The following LRR1 variants were observed in gnomAD, a reference collection of about 807,000 sequenced individuals.
LRR1 encodes leucine-rich repeat protein 1.
A neutral mutation model predicts 31.6 loss-of-function variants in LRR1; 29 were observed. The ratio of observed to expected loss-of-function variants is 0.92; its 90% confidence interval spans 0.68 to 1.25. LRR1 has a LOEUF of 1.25. LRR1 is among the 50% of genes most tolerant of loss of function. LRR1 has a pLI of 0.00. For synonymous variants in LRR1, 179 were observed against 181.4 expected, an observed-to-expected ratio of 0.99 and a Z score of 0.10; for missense variants, 485 against 487.2, an observed-to-expected ratio of 1.00 and a Z score of 0.04.
At chr14:49,602,245 C>A in intron 1 of LRR1, 125 bp from the exon 2 acceptor site, 1 of 511,558 alleles carries the variant, frequency 2.0e-6, no homozygotes, top group Non-Finnish European at 3.3e-6. Flanking sequence ...AATGAAAACA[C>A]TCAGACTCAA....
chr14:49,599,145 C>G lies in LRR1; in HGVS notation c.125C>G (p.Pro42Arg). The G allele has an allele frequency of 5.6e-6, 9 of 1,608,850 alleles. No homozygotes were observed. Among genetic ancestry groups the G allele is most frequent in the African/African-American group, 1.3e-5 (1 of 74,996 alleles). The stretch of plus-strand genomic sequence containing the variant: ...CAGCAGACTTCCAGGAGTCAGCCGC[C>G]GGTCCGAGCCTTCCTGCTCATCTCC... ...LCQQTSRSQP[P>R]VRAFLLISTL... Residue 42 changes from proline to arginine, a missense_variant, in exon 1 of 4, where the codon CCG becomes CGG. Coordinates refer to ENST00000298288, the MANE Select transcript of LRR1 (RefSeq NM_152329.4).
rs1882332291 is a variant in LRR1 at position 49,607,579 on chromosome 14, T to C, written c.462T>C (p.Tyr154=). ...ATCCTCTAAGTAAGAATTTTCCATA[T>C]TCCTTGGAACATCTTCAGACTTCTT... The part of the protein sequence containing the change: ...KDYPLSKNFP[Y]SLEHLQTSYC... The change falls in exon 3 of 4, where the codon TAT becomes TAC. Residue 154 remains tyrosine, a synonymous_variant. Transcript: ENST00000298288. 11 of 1,614,194 alleles carry C rather than the reference T, an allele frequency of 6.8e-6. No individual in the cohort carries two copies. Among genetic ancestry groups the C allele is most frequent in the Non-Finnish European group, 9.3e-6 (11 of 1,180,012 alleles).
At chr14:49,600,156 A>G (rs1943119317) in intron 1 of LRR1, 3 of 1,499,118 alleles carry the variant, frequency 2.0e-6, no homozygotes, top group African/African-American at 1.4e-5. Flanking sequence ...CGTGGGGGGC[A>G]AGCAGTACCT....
rs545536791 is a variant in LRR1, at chr14:49,599,096, G to T, written c.76G>T (p.Val26Phe). The T allele has an allele frequency of 6.2e-7, 1 of 1,607,190 alleles. No homozygotes were observed. Among genetic ancestry groups the T allele is most frequent in the South Asian group, 1.1e-5 (1 of 89,734 alleles). Reference sequence around the variant, plus strand: ...GGGGCTTAGGAACCGGGGCAAGGGCGTCCGAGCCGTGTTGAGCCTCTGTCA... The same window carrying T: ...GGGGCTTAGGAACCGGGGCAAGGGCTTCCGAGCCGTGTTGAGCCTCTGTCA... ...ALGLRNRGKG[V>F]RAVLSLCQQT... Residue 26 changes from valine to phenylalanine, a missense_variant, in exon 1 of 4, where the codon GTC becomes TTC. By Grantham distance (50) the Val-to-Phe change is conservative. This residue lies in a region of LRR1 where 260 missense variants were observed against 249.6 expected (regional missense o/e 1.04). Coordinates refer to ENST00000298288, the MANE Select transcript of LRR1 (RefSeq NM_152329.4).
Position 49,614,469 on chromosome 14 carries a change from T to G in LRR1, c.1218T>G (p.Tyr406Ter), listed in dbSNP as rs1473315308. Residue 406 changes from tyrosine to a stop codon, truncating the protein, a stop_gained, in exon 4 of 4, where the codon TAT becomes TAG. Transcript: ENST00000298288. LOFTEE classifies it high-confidence loss of function. ...CTTATTTCTGTTCTCTAGGCTGTTA[T>G]GTTAATTCCTCTGATATGTTAAAGT... is the stretch of plus-strand genomic sequence containing the variant. ...IISYFCSLGC[Y>*]VNSSDMLK 1.2e-6 allele frequency: 2 copies of G among 1,613,906 alleles called. No homozygotes were observed. Among genetic ancestry groups the G allele is most frequent in the Non-Finnish European group, 1.7e-6 (2 of 1,179,856 alleles).
chr14:49,610,463 C>T (rs1169940439), intron 3 of LRR1, among the ~76,000 whole-genome samples: 1 of 151,958 alleles, frequency 6.6e-6, no homozygotes, highest in African/African-American at 2.4e-5. Context: ...CCACGTTGGC[C>T]AGGCTGGTTT....
At chr14:49,610,951 C>CA (rs1382414386) in intron 3 of LRR1, among the ~76,000 whole-genome samples, 1 of 152,138 alleles carries the variant, frequency 6.6e-6, no homozygotes, top group African/African-American at 2.4e-5. Flanking sequence ...GATCATATTT[C>CA]AAATAAGAAA....
At chr14:49,601,501 A>T in intron 1 of LRR1, 2 of 696,804 alleles carry the variant, frequency 2.9e-6, no homozygotes, top group Non-Finnish European at 4.5e-6. Flanking sequence ...TAATCATTAA[A>T]TTTTTTTTGA....
intron 3 of LRR1, among the ~76,000 whole-genome samples, chr14:49,609,711 T>A (rs1882442155): frequency 6.6e-6 from 1 of 151,730 alleles, no homozygotes; most frequent in Non-Finnish European, 1.5e-5. Flanking sequence ...CTGGCCTTAT[T>A]TTTTTAATTT....
At chr14:49,600,223 C>CT (rs1205557094) in intron 1 of LRR1, 6 of 1,487,612 alleles carry the variant, frequency 4.0e-6, no homozygotes, top group Non-Finnish European at 5.6e-6. Context: ...AGGCCTTTAT[C>CT]TTACCCAATG....
chr14:49,607,260 A>G (rs1882319098), intron 2 of LRR1, 140 bp from the exon 3 acceptor site: 1 of 902,254 alleles, frequency 1.1e-6, no homozygotes, highest in Non-Finnish European at 1.6e-6. Context: ...ATAAAGTACT[A>G]AAAAAAAGTT....
intron 2 of LRR1, among the ~76,000 whole-genome samples, chr14:49,603,114 G>T (rs1171500981): frequency 6.6e-6 from 1 of 152,002 alleles, no homozygotes; most frequent in Non-Finnish European, 1.5e-5. Flanking sequence ...CAAAATGCTG[G>T]GATTACAGGC....
intron 3 of LRR1, chr14:49,612,660 T>G: frequency 1.9e-6 from 2 of 1,036,666 alleles, no homozygotes; most frequent in South Asian, 6.1e-5. Flanking sequence ...TGTGTATCTT[T>G]TCAGACTTTT....
At position 49,599,073 on chromosome 14, in the gene LRR1, G is replaced by A. The variant is rs1207196016; in HGVS notation, c.53G>A (p.Gly18Glu). 1 of 1,609,722 alleles carries A rather than the reference G, an allele frequency of 6.2e-7. No homozygotes were observed. Among genetic ancestry groups the A allele is most frequent in the Non-Finnish European group, 8.5e-7 (1 of 1,178,216 alleles). Residue 18 changes from glycine (G) to glutamate (E), a missense_variant, in exon 1 of 4, where the codon GGG (glycine) becomes GAG (glutamate). By Grantham distance (98) the Gly-to-Glu change is moderately conservative (BLOSUM62 -2). Around this residue, in one of 3 missense-constraint regions of LRR1, gnomAD observed 260 missense variants for 249.6 expected, o/e 1.04. Coordinates refer to ENST00000298288, the MANE Select transcript of LRR1 (RefSeq NM_152329.4). ...ATCAGCCGGCACTTGCCCGCCTTGG[G>A]GCTTAGGAACCGGGGCAAGGGCGTC... ...EVISRHLPAL[G>E]LRNRGKGVRA...
At chr14:49,603,685 T>C in intron 2 of LRR1, 4 of 794,848 alleles carry the variant, frequency 5.0e-6, no homozygotes, top group Non-Finnish European at 5.7e-6. Context: ...TCATTCCTTT[T>C]TTTTTTTTTT....
chr14:49,614,465 G>C lies in LRR1; in HGVS notation c.1214G>C (p.Cys405Ser), dbSNP rs753348353. The change falls in exon 4 of 4, where the codon TGT (cysteine) becomes TCT (serine). Residue 405 changes from cysteine to serine, a missense_variant. Cys to Ser is a moderately radical substitution (Grantham distance 112, BLOSUM62 -1). Around this residue, in one of 3 missense-constraint regions of LRR1, gnomAD observed 210 missense variants for 200.4 expected, o/e 1.05. Coordinates refer to ENST00000298288, the MANE Select transcript of LRR1 (RefSeq NM_152329.4). The part of the protein sequence containing the change: ...PIISYFCSLG[C>S]YVNSSDMLK The stretch of plus-strand genomic sequence containing the variant: ...ATCTCTTATTTCTGTTCTCTAGGCT[G>C]TTATGTTAATTCCTCTGATATGTTA... 100 of 1,613,738 alleles carry C rather than the reference G, an allele frequency of 6.2e-5. No individual in the cohort carries two copies. Among genetic ancestry groups the C allele is most frequent in the Non-Finnish European group, 8.4e-5 (99 of 1,179,864 alleles).
chr14:49,603,664 C>G (rs913384072), intron 2 of LRR1: 1 of 996,050 alleles, frequency 1.0e-6, no homozygotes, highest in African/African-American at 1.8e-5. Flanking sequence ...TGTGCCTGGC[C>G]CTTACTGTAA....
chr14:49,611,379 G>T (rs1882505441), intron 3 of LRR1, among the ~76,000 whole-genome samples: 1 of 152,164 alleles, frequency 6.6e-6, no homozygotes, highest in African/African-American at 2.4e-5. Context: ...GGAGGCTGAG[G>T]CAGGAGAATC....
chr14:49,608,089 G>A lies in LRR1; in HGVS notation c.972G>A (p.Leu324=), dbSNP rs1882355234. ...VIKLQAPLTL[L]ESSARTILHN... is the part of the protein sequence containing the mutation. ...AGCTGCAAGCACCATTAACTTTATT[G>A]GAATCTTCTGCACGAACCATATTAC... Residue 324 remains leucine (L), a synonymous_variant, in exon 3 of 4, where the codon TTG becomes TTA. Coordinates refer to ENST00000298288, the MANE Select transcript of LRR1 (RefSeq NM_152329.4). 1 of 1,597,296 alleles carries A rather than the reference G, an allele frequency of 6.3e-7. No individual in the cohort carries two copies. The highest frequency in any genetic ancestry group is 8.5e-7 in the Non-Finnish European group (1 of 1,173,864).
Sources: allele counts gnomAD v4.1 joint callset (sites outside exome capture counted in the v4.1 genomes callset), GRCh38; gene constraint gnomAD v4.1.1; regional missense constraint gnomAD v4.1.1; transcripts MANE v1.5; gene names NCBI Gene and HGNC (gene_info 2026-07-23, HGNC 2026-07-21).